ZNF816: variants seen among roughly 807,000 people sequenced by gnomAD.
The protein encoded by ZNF816 is zinc finger protein 816A.
ZNF816 carries 11 observed loss-of-function variants against 8.3 expected under a neutral mutation model. That is an observed-to-expected ratio of 1.32 (90% CI 0.83 to 2.19). The LOEUF is 2.19. Among genes scored for constraint, ZNF816 ranks in the 30% most tolerant of loss-of-function variants. The probability of loss-of-function intolerance (pLI) is 0.00; values close to 1 mark genes in which losing one functional copy is unlikely to be tolerated. For synonymous variants in ZNF816, 255 were observed against 254.5 expected (o/e 1.00, Z -0.02); for missense variants, 710 against 779.3 (o/e 0.91, Z 1.06).
chr19:52,955,859 T>C (rs1333470578), intron 2 of ZNF816, among the ~76,000 whole-genome samples, 168 bp downstream of exon 2: 1 of 152,066 alleles, frequency 6.6e-6, no homozygotes, highest in East Asian at 1.9e-4. Context: ...CACTAGGTTA[T>C]AGGAGATGGA....
chr19:52,950,767 A>G lies in ZNF816; in HGVS notation c.1008T>C (p.Thr336=), dbSNP rs765712379. 8 of 1,613,640 alleles carry G rather than the reference A, an allele frequency of 5.0e-6. No individual in the cohort carries two copies. The highest frequency in any genetic ancestry group is 6.8e-6 in the Non-Finnish European group (8 of 1,180,034). ...CATTACACTTGTAAGGTTTCTCTCC[A>G]GTATGAAGTCTACGATGGCATCTAA... ...SSLRCHRRLH[T]GEKPYKCNEC... Residue 336 remains threonine (T), a synonymous_variant, in exon 4 of 4, where the codon ACT becomes ACC. Transcript: ENST00000444460.
At position 52,951,230 on chromosome 19, in the gene ZNF816, T is replaced by G; in HGVS notation, c.545A>C (p.Lys182Thr). ...TKGKISNQLD[K>T]SIGASSASES... ...TGAAGCTGAGGAAGCACCGATAGAC[T>G]TGTCCAATTGGTTACTAATTTTCCC... The change falls in exon 4 of 4, where the codon AAG (lysine) becomes ACG (threonine). Residue 182 changes from lysine to threonine, a missense_variant. By Grantham distance (78) the Lys-to-Thr change is moderately conservative (BLOSUM62 -1). Transcript: ENST00000444460. 1 of 1,614,058 alleles carries G rather than the reference T, an allele frequency of 6.2e-7. No individual in the cohort carries two copies. Among genetic ancestry groups the G allele is most frequent in the East Asian group, 2.2e-5 (1 of 44,854 alleles).
intron 3 of ZNF816, 184 bp from the exon 4 acceptor site, chr19:52,951,768 G>T: frequency 1.7e-6 from 1 of 596,164 alleles, no homozygotes; most frequent in South Asian, 3.2e-5. Context: ...CATGGTGGTG[G>T]GTGCCTGTAA....
chr19:52,951,834 G>GT, intron 3 of ZNF816: 2 of 478,212 alleles, frequency 4.2e-6, no homozygotes, highest in Non-Finnish European at 3.6e-6. Flanking sequence ...GGAGGCAGAG[G>GT]TTGCAGCATG....
rs2083520213 is a variant in ZNF816 at position 52,957,516 on chromosome 19, A to C, written c.-15-1412T>G. On this transcript the variant is annotated intron_variant, in intron 1 of 3. Transcript: ENST00000444460. The surrounding 1 kb of genome is among the most constrained non-coding windows in gnomAD (Gnocchi z 4.6). ...CAGAAGGAGCCCTGTTCAATATAGC[A>C]GAAGAGTTACTGAACTGAGGAGGAC... Among the ~76,000 whole-genome samples the C allele has an allele frequency of 6.6e-6, 1 of 152,232 alleles. No homozygotes were observed. Among genetic ancestry groups the C allele is most frequent in the Non-Finnish European group, 1.5e-5 (1 of 68,040 alleles).
chr19:52,953,499 T>C (rs2083479050), intron 2 of ZNF816: 1 of 95,690 alleles, frequency 1.0e-5, no homozygotes, highest in Non-Finnish European at 1.8e-5. Flanking sequence ...TATATTTTAA[T>C]ATTTAATTAT....
rs372407633 is a variant in ZNF816, at chr19:52,950,849, C to T, written c.926G>A (p.Gly309Glu). The change falls in exon 4 of 4, where the codon GGA becomes GAA. Residue 309 changes from glycine (G) to glutamate (E), a missense_variant. Coordinates refer to ENST00000444460, the MANE Select transcript of ZNF816 (RefSeq NM_001202457.3). Reference sequence around the variant, plus strand: ...CTCATTACACTTGTAAGGTTTCTCTCCAGTATGAAGTCTACGATGGCATAC... The same window carrying T: ...CTCATTACACTTGTAAGGTTTCTCTTCAGTATGAAGTCTACGATGGCATAC... ...SLVCHRRLHT[G>E]EKPYKCNECG... 4.3e-6 allele frequency: 7 copies of T among 1,614,022 alleles called. No individual in the cohort carries two copies. In the South Asian group the frequency reaches 6.6e-5, roughly 15 times the overall value.
chr19:52,961,782 C>A (rs1047018428), intron 1 of ZNF816, among the ~76,000 whole-genome samples: 1 of 152,164 alleles, frequency 6.6e-6, no homozygotes, highest in Admixed American at 6.5e-5. Flanking sequence ...GAAAATGTAG[C>A]TCATTCCCTC....
chr19:52,952,744 T>G lies in ZNF816; in HGVS notation c.190+7A>C. The G allele has an allele frequency of 6.2e-7, 1 of 1,613,750 alleles. No individual in the cohort carries two copies. Among genetic ancestry groups the G allele is most frequent in the Non-Finnish European group, 8.5e-7 (1 of 1,180,012 alleles). On this transcript the variant is annotated splice_region_variant and intron_variant, in intron 3 of 3. Transcript: ENST00000444460. ...ATTCCTCATGTCTGGAGGGACATTT[T>G]CCTCACCCACAAACTCCAGGTTCCT...
chr19:52,962,304 C>T (rs1036324618), intron 1 of ZNF816, among the ~76,000 whole-genome samples: 1 of 152,130 alleles, frequency 6.6e-6, no homozygotes, highest in African/African-American at 2.4e-5. Flanking sequence ...GAATCTAAGG[C>T]CAATTAATGT....
Position 52,949,778 on chromosome 19 carries a change from T to G in ZNF816, c.*41A>C. Reference sequence around the variant, plus strand: ...TCTTCAATATGGATTCTGTAATGATTTGCAATGGTTGTAGCATTACTGAAG... The same window carrying G: ...TCTTCAATATGGATTCTGTAATGATGTGCAATGGTTGTAGCATTACTGAAG... On this transcript the variant is annotated 3_prime_UTR_variant, in exon 4 of 4. Coordinates refer to ENST00000444460, the MANE Select transcript of ZNF816 (RefSeq NM_001202457.3). The G allele has an allele frequency of 6.2e-7, 1 of 1,612,730 alleles. No homozygotes were observed. Among genetic ancestry groups the G allele is most frequent in the Non-Finnish European group, 8.5e-7 (1 of 1,179,118 alleles).
Position 52,950,923 on chromosome 19 carries a change from A to G in ZNF816, c.852T>C (p.Thr284=), listed in dbSNP as rs1465129124. The G allele has an allele frequency of 6.2e-7, 1 of 1,614,178 alleles. No homozygotes were observed. The highest frequency in any genetic ancestry group is 1.1e-5 in the South Asian group (1 of 91,074). ...TCTTCCCACACTCATTACACTTGTA[A>G]GTTTTCTCACCAGTGTGACATCTAT... ...YHHRCHTGEK[T]YKCNECGKTF... The change falls in exon 4 of 4, where the codon ACT becomes ACC. Residue 284 remains threonine, a synonymous_variant. Transcript: ENST00000444460.
chr19:52,962,592 C>A (rs530537625), intron 1 of ZNF816, 135 bp downstream of exon 1: 2 of 152,280 alleles, frequency 1.3e-5, no homozygotes, highest in East Asian at 3.9e-4. Flanking sequence ...GGCGGGAGGA[C>A]GCGTCAGAAA....
chr19:52,954,491 A>G (rs2083492391), intron 2 of ZNF816, among the ~76,000 whole-genome samples: 1 of 152,230 alleles, frequency 6.6e-6, no homozygotes, highest in Admixed American at 6.5e-5. Flanking sequence ...TACCTTGGAA[A>G]CATGAAAATT....
At chr19:52,955,193 A>G (rs1301330073) in intron 2 of ZNF816, among the ~76,000 whole-genome samples, 6 of 152,152 alleles carry the variant, frequency 3.9e-5, no homozygotes, top group Non-Finnish European at 7.3e-5. Flanking sequence ...AAAACAAAAC[A>G]AAACAAAAAA....
At position 52,957,643 on chromosome 19, in the gene ZNF816, G is replaced by A. The variant is rs150375219; in HGVS notation, c.-15-1539C>T. On this transcript the variant is annotated intron_variant, in intron 1 of 3. Transcript: ENST00000444460. This position sits in a 1 kb window ranked among gnomAD's most constrained non-coding sequence, Gnocchi z 4.6. The stretch of plus-strand genomic sequence containing the variant: ...CAGTGCTGAACATTCAGTAGTAACC[G>A]CCCCGGTTGCCCCCCTTTCCAAAAA... 5.6e-4 allele frequency among the ~76,000 whole-genome samples: 86 copies of A among 152,262 alleles called. 2 individuals carry two copies. In the East Asian group the frequency reaches 0.014, roughly 25 times the overall value.
At chr19:52,962,071 C>T (rs1212288178) in intron 1 of ZNF816, among the ~76,000 whole-genome samples, 2 of 152,220 alleles carry the variant, frequency 1.3e-5, no homozygotes, top group East Asian at 3.9e-4. Context: ...AGGCTTAAAC[C>T]ACACTGAAAA....
chr19:52,961,501 A>G lies in ZNF816; in HGVS notation c.-16+1226T>C, dbSNP rs376142200. On this transcript the variant is annotated intron_variant, in intron 1 of 3. Transcript: ENST00000444460. ...ACAAAAAAGACCCGGTTCACTTTCA[A>G]AAAAAAGAAGCCAACCCCTCCTGTG... is the stretch of plus-strand genomic sequence containing the variant. 1.1e-4 allele frequency among the ~76,000 whole-genome samples: 16 copies of G among 152,284 alleles called. No individual in the cohort carries two copies. In the East Asian group the frequency reaches 1.5e-3, roughly 15 times the overall value.
intron 1 of ZNF816, among the ~76,000 whole-genome samples, chr19:52,958,681 A>G (rs550405977): frequency 6.6e-6 from 1 of 152,328 alleles, no homozygotes; most frequent in East Asian, 1.9e-4. Flanking sequence ...GACAGCAGGT[A>G]CATTACCTAG....
Sources: allele counts gnomAD v4.1 joint callset (sites outside exome capture counted in the v4.1 genomes callset), GRCh38; gene constraint gnomAD v4.1.1; non-coding constraint Gnocchi (gnomAD v3.1); transcripts MANE v1.5; gene names NCBI Gene and HGNC (gene_info 2026-07-23, HGNC 2026-07-21).